The following ZFHX3 variants were observed in gnomAD, a reference collection of about 807,000 sequenced individuals.
ZFHX3 encodes the protein zinc finger homeobox 3, also known as zinc finger homeobox protein 3.
ZFHX3 carries 42 observed loss-of-function variants against 279.1 expected under a neutral mutation model. That is an observed-to-expected ratio of 0.15 (90% CI 0.12 to 0.19). The LOEUF is 0.19. Ranked by LOEUF, ZFHX3 falls within the 10% of genes least tolerant of loss-of-function variation. The pLI is 1.00. For missense variants in ZFHX3, 4,981 were observed against 4,754.0 expected, an observed-to-expected ratio of 1.05 and a Z score of -1.40; for synonymous variants, 2,293 against 1,957.8, an observed-to-expected ratio of 1.17 and a Z score of -4.52.
intron 1 of ZFHX3, among the ~76,000 whole-genome samples, chr16:73,721,924 A>C (rs1353260724): frequency 6.6e-6 from 1 of 152,200 alleles, no homozygotes; most frequent in Non-Finnish European, 1.5e-5. Flanking sequence ...GCAAGCCTGT[A>C]GTCCCAGCTA....
rs766562594 is a variant in ZFHX3 at position 72,959,000 on chromosome 16, G to A, written c.1146C>T (p.Gly382=). ...RMEGEEALPA[G]SAAGPEQPQA... is the part of the protein sequence containing the mutation. ...GGGGCTGCTCGGGGCCAGCGGCGGAGCCCGCTGGGAGAGCTTCCTCCCCTT... is the reference window on the plus strand; with the variant it reads ...GGGGCTGCTCGGGGCCAGCGGCGGAACCCGCTGGGAGAGCTTCCTCCCCTT... Residue 382 remains glycine, a synonymous_variant, in exon 2 of 10, where the codon GGC becomes GGT. Coordinates refer to ENST00000268489, the MANE Select transcript of ZFHX3 (RefSeq NM_006885.4). 2 of 1,609,114 alleles carry A rather than the reference G, an allele frequency of 1.2e-6. No homozygotes were observed. The highest frequency in any genetic ancestry group is 3.4e-5 in the Admixed American group (2 of 59,190).
At chr16:72,837,245 C>T (rs2037215439) in intron 4 of ZFHX3, among the ~76,000 whole-genome samples, 2 of 152,248 alleles carry the variant, frequency 1.3e-5, no homozygotes, top group Non-Finnish European at 2.9e-5. Flanking sequence ...CTGGACTAAA[C>T]AGTCAGAGGT....
chr16:73,689,614 A>G (rs1165128720), intron 1 of ZFHX3, among the ~76,000 whole-genome samples: 1 of 152,192 alleles, frequency 6.6e-6, no homozygotes, highest in Non-Finnish European at 1.5e-5. Flanking sequence ...ATGTGAAGTC[A>G]GAGAGGGAAG....
At chr16:73,572,689 C>A (rs894987409) in intron 2 of ZFHX3, among the ~76,000 whole-genome samples, 3 of 152,190 alleles carry the variant, frequency 2.0e-5, no homozygotes, top group Admixed American at 6.5e-5. Flanking sequence ...CCACGGGATT[C>A]GATGCCTTGT....
At chr16:73,868,109 C>G (rs1275613342) in intron 1 of ZFHX3, among the ~76,000 whole-genome samples, 3 of 152,300 alleles carry the variant, frequency 2.0e-5, no homozygotes, top group South Asian at 2.1e-4. Context: ...CAATAAATCC[C>G]CGTTCGTTAA....
chr16:73,083,605 C>T (rs568368634), intron 8 of ZFHX3, among the ~76,000 whole-genome samples: 2 of 152,272 alleles, frequency 1.3e-5, no homozygotes, highest in Admixed American at 1.3e-4. Flanking sequence ...TCTTGGCTCA[C>T]TGCAGCCTCG....
intron 1 of ZFHX3, among the ~76,000 whole-genome samples, chr16:73,011,374 T>C: frequency 6.6e-6 from 1 of 151,876 alleles, no homozygotes; most frequent in East Asian, 1.9e-4. Context: ...TCAAGCAATC[T>C]TCCTACCTTG....
At chr16:73,233,314 A>G (rs915647989) in intron 5 of ZFHX3, among the ~76,000 whole-genome samples, 6 of 152,164 alleles carry the variant, frequency 3.9e-5, no homozygotes, top group Non-Finnish European at 1.5e-5. Flanking sequence ...GTGATGTCAT[A>G]CATTGAGAAA....
chr16:73,010,040 A>AAAAAAAAAAAAC (rs1416241740), intron 1 of ZFHX3, among the ~76,000 whole-genome samples: 22 of 151,034 alleles, frequency 1.5e-4, no homozygotes, highest in African/African-American at 4.7e-4. Flanking sequence ...AAAAAAAAAA[A>AAAAAAAAAAAAC]AAACTCATAA....
chr16:73,535,334 A>T (rs1170986208), intron 2 of ZFHX3, among the ~76,000 whole-genome samples: 1 of 152,220 alleles, frequency 6.6e-6, no homozygotes, highest in African/African-American at 2.4e-5. Flanking sequence ...GTTGTGTTTA[A>T]CAACCTTCTC....
intron 3 of ZFHX3, among the ~76,000 whole-genome samples, chr16:73,390,440 A>G (rs2016988449): frequency 6.6e-6 from 1 of 152,146 alleles, no homozygotes; most frequent in African/African-American, 2.4e-5. Context: ...TCGGGTCCCA[A>G]GATGCCCTCT....
At position 73,207,831 on chromosome 16, in the gene ZFHX3, G is replaced by A. The variant is rs190811252; in HGVS notation, c.-1104+49216C>T. Among the ~76,000 whole-genome samples the A allele has an allele frequency of 3.8e-3, 585 of 152,268 alleles. 3 individuals are homozygous for A. The highest frequency in any genetic ancestry group is 6.3e-3 in the Non-Finnish European group (429 of 68,030). On this transcript the variant is annotated intron_variant, in intron 5 of 17. Coordinates refer to the ZFHX3 transcript ENST00000641206. ...GAAAACCCAGTACTGGCCTGGAGAA[G>A]TGAAATAGCCACTCTAACATGGCAG... is the stretch of plus-strand genomic sequence containing the variant.
In ZFHX3 at chr16:73,249,289, T is replaced by C. The variant is rs566979100; in HGVS notation, c.-1104+7758A>G. 5.6e-4 allele frequency among the ~76,000 whole-genome samples: 86 copies of C among 152,346 alleles called. No individual in the cohort carries two copies. In the South Asian group the frequency reaches 7.9e-3, roughly 14 times the overall value. ...AGAGGCTATCAAAATAATTCTCTAA[T>C]TTTTTCTTGCTATTATTAAAGGAGA... is the stretch of plus-strand genomic sequence containing the variant. On this transcript the variant is annotated intron_variant, in intron 5 of 17. Transcript: ENST00000641206.
At chr16:73,810,788 G>A (rs560626413) in intron 1 of ZFHX3, among the ~76,000 whole-genome samples, 2 of 152,240 alleles carry the variant, frequency 1.3e-5, no homozygotes, top group African/African-American at 4.8e-5. Context: ...ATGGTCTTGA[G>A]TACATCACTC....
chr16:73,672,320 C>T (rs1369130243), intron 2 of ZFHX3, among the ~76,000 whole-genome samples: 1 of 152,054 alleles, frequency 6.6e-6, no homozygotes, highest in Non-Finnish European at 1.5e-5. Context: ...CAATATTAAC[C>T]CTTAAATGAA....
At chr16:72,849,677 G>A (rs1309832778) in intron 4 of ZFHX3, among the ~76,000 whole-genome samples, 1 of 151,940 alleles carries the variant, frequency 6.6e-6, no homozygotes, top group South Asian at 2.1e-4. Flanking sequence ...AACCAATGGC[G>A]GATGTAACAA....
At position 73,403,533 on chromosome 16, in the gene ZFHX3, A is replaced by G. The variant is rs533138270; in HGVS notation, c.-1291+52470T>C. ...TAAGTTTTCCATGGGAATTAGAATC[A>G]TGAAGGCCACATGCAATTTTTTTTT... On this transcript the variant is annotated intron_variant, in intron 3 of 17. Coordinates refer to the ZFHX3 transcript ENST00000641206. Among the ~76,000 whole-genome samples the G allele has an allele frequency of 2.8e-5, 4 of 144,834 alleles. No homozygotes were observed. The East Asian group carries it at 8.4e-4, about 31-fold the overall frequency.
chr16:73,098,071 A>AT (rs35816942), intron 7 of ZFHX3, among the ~76,000 whole-genome samples: 8,206 of 143,092 alleles, frequency 0.057, 385 homozygotes, highest in South Asian at 0.12. Flanking sequence ...TTGTGTATCT[A>AT]TTTTTTTTTT....
intron 4 of ZFHX3, among the ~76,000 whole-genome samples, chr16:72,836,934 T>C (rs1597293001): frequency 6.6e-6 from 1 of 152,264 alleles, no homozygotes; most frequent in African/African-American, 2.4e-5. Flanking sequence ...AGAAGTGTAA[T>C]ATTTTCCCAC....
Sources: gnomAD v4.1 joint callset for allele counts (sites outside exome capture counted in the v4.1 genomes callset) on GRCh38, gnomAD v4.1.1 for gene constraint, MANE v1.5 for transcripts, NCBI Gene and HGNC (gene_info 2026-07-23, HGNC 2026-07-21) for gene names.